The following IL17B variants were observed in gnomAD, a reference collection of about 807,000 sequenced individuals.
The protein encoded by IL17B is interleukin-17B.
A neutral mutation model predicts 14.7 loss-of-function variants in IL17B; 14 were observed. That is an observed-to-expected ratio of 0.95 (90% CI 0.63 to 1.49). IL17B has a LOEUF of 1.49. Ranked by LOEUF, IL17B falls within the 40% of genes most tolerant of loss-of-function variation. The probability of loss-of-function intolerance (pLI) is 0.00; values close to 1 mark genes in which losing one functional copy is unlikely to be tolerated. For missense variants in IL17B, 233 were observed against 252.8 expected (o/e 0.92, Z 0.53); for synonymous variants, 105 against 94.8 (o/e 1.11, Z -0.62).
intron 1 of IL17B, among the ~76,000 whole-genome samples, chr5:149,402,266 C>A (rs1486002621): frequency 1.3e-5 from 2 of 152,274 alleles, no homozygotes; most frequent in African/African-American, 2.4e-5. Context: ...CCAAAGCAGC[C>A]ACGGTAGTGG....
intron 1 of IL17B, among the ~76,000 whole-genome samples, chr5:149,393,520 T>C (rs1162994055): frequency 6.6e-6 from 1 of 152,224 alleles, no homozygotes; most frequent in East Asian, 1.9e-4. Context: ...AATAAATACA[T>C]GAGTGCGTTA....
intron 1 of IL17B, among the ~76,000 whole-genome samples, chr5:149,386,617 G>A (rs1195331162): frequency 3.3e-5 from 5 of 152,176 alleles, no homozygotes; most frequent in Non-Finnish European, 5.9e-5. Context: ...GCCTATGGAC[G>A]ATGAAGGACC....
At chr5:149,391,986 T>C (rs1215696265) in intron 1 of IL17B, among the ~76,000 whole-genome samples, 1 of 152,096 alleles carries the variant, frequency 6.6e-6, no homozygotes, top group Non-Finnish European at 1.5e-5. Context: ...ATCCCCTTAC[T>C]CTCTCTCCCA....
chr5:149,396,215 A>C (rs1019069044), intron 1 of IL17B, among the ~76,000 whole-genome samples: 2 of 152,254 alleles, frequency 1.3e-5, no homozygotes, highest in African/African-American at 4.8e-5. Flanking sequence ...TGCAAAGTCC[A>C]CTGAATCTTC....
At chr5:149,390,461 AC>A (rs1383563790) in intron 1 of IL17B, among the ~76,000 whole-genome samples, 3 of 146,476 alleles carry the variant, frequency 2.0e-5, no homozygotes, top group Non-Finnish European at 4.5e-5. Context: ...ACGTAGTGAC[AC>A]CCCCCTCCTC....
rs1271739141 is a variant in IL17B, at chr5:149,375,498, G to A, written c.312-898C>T. Among the ~76,000 whole-genome samples, 3 of 152,250 alleles carry A rather than the reference G, an allele frequency of 2.0e-5. No homozygotes were observed. In the East Asian group the frequency reaches 5.8e-4, roughly 29 times the overall value. On this transcript the variant is annotated intron_variant, in intron 2 of 2. Transcript: ENST00000261796. The stretch of plus-strand genomic sequence containing the variant: ...GAGTGATTCATTGGCACAATCAGAT[G>A]TGAAAAGCTCCGTTCTGGAGGATCT...
chr5:149,388,557 C>T (rs1758873637), intron 1 of IL17B, among the ~76,000 whole-genome samples: 1 of 152,196 alleles, frequency 6.6e-6, no homozygotes, highest in South Asian at 2.1e-4. Flanking sequence ...TGCAAACTGA[C>T]TCTTTGCGAA....
At chr5:149,390,224 C>A (rs1000710811) in intron 1 of IL17B, among the ~76,000 whole-genome samples, 13 of 146,648 alleles carry the variant, frequency 8.9e-5, no homozygotes, top group East Asian at 5.9e-4. Context: ...GTGACCCCCC[C>A]CCTCCCTGTC....
Position 149,376,953 on chromosome 5 carries a change from G to T in IL17B, c.94C>A (p.Gln32Lys). 6.2e-7 allele frequency: 1 copy of T among 1,608,264 alleles called. No homozygotes were observed. Among genetic ancestry groups the T allele is most frequent in the East Asian group, 2.2e-5 (1 of 44,842 alleles). ...PRSPKSKRKG[Q>K]GRPGPLAPGP... ...GGGGCCAGGGGCCCAGGCCGCCCTTGCCCCTTCCTCTTGCTTTTGGGGCTC... is the reference window on the plus strand; with the variant it reads ...GGGGCCAGGGGCCCAGGCCGCCCTTTCCCCTTCCTCTTGCTTTTGGGGCTC... Residue 32 changes from glutamine to lysine, a missense_variant, in exon 2 of 3, where the codon CAA becomes AAA. Coordinates refer to ENST00000261796, the MANE Select transcript of IL17B (RefSeq NM_014443.3).
intron 1 of IL17B, among the ~76,000 whole-genome samples, chr5:149,388,671 G>A (rs1013014387): frequency 6.6e-6 from 1 of 152,172 alleles, no homozygotes; most frequent in African/African-American, 2.4e-5. Context: ...TAAGAGGCTC[G>A]ACCCAGCAAA....
upstream of IL17B, among the ~76,000 whole-genome samples, chr5:149,379,856 G>A (rs1384394927): frequency 6.6e-6 from 1 of 152,200 alleles, no homozygotes; most frequent in African/African-American, 2.4e-5. Flanking sequence ...CAGTGAGTTA[G>A]AGGTGTCAGA....
chr5:149,403,283 A>T (rs1411373379), intron 1 of IL17B, among the ~76,000 whole-genome samples: 3 of 151,826 alleles, frequency 2.0e-5, no homozygotes, highest in African/African-American at 7.3e-5. Context: ...ACGGGGTTTC[A>T]CCGTGTTGCC....
upstream of IL17B, among the ~76,000 whole-genome samples, chr5:149,380,528 G>A (rs376779597): frequency 4.6e-5 from 7 of 152,142 alleles, no homozygotes; most frequent in South Asian, 2.1e-4. Context: ...TGTGAGGTCG[G>A]ATGACCTCAG....
chr5:149,379,135 T>C (rs765786450), intron 1 of IL17B, 70 bp downstream of exon 1: 128 of 1,581,364 alleles, frequency 8.1e-5, no homozygotes, highest in Non-Finnish European at 1.0e-4. Flanking sequence ...CATTAATAAA[T>C]AGGAAAGAAA....
At chr5:149,393,867 A>C (rs1759040741) in intron 1 of IL17B, among the ~76,000 whole-genome samples, 1 of 152,202 alleles carries the variant, frequency 6.6e-6, no homozygotes, top group South Asian at 2.1e-4. Context: ...TTCTTCTCTG[A>C]AAAAGAGTGT....
chr5:149,392,120 A>T (rs571244583), intron 1 of IL17B, among the ~76,000 whole-genome samples: 2 of 152,372 alleles, frequency 1.3e-5, no homozygotes, highest in African/African-American at 4.8e-5. Context: ...ATCTATGAGA[A>T]TCACAAATGC....
At chr5:149,395,671 T>A (rs932831369) in intron 1 of IL17B, among the ~76,000 whole-genome samples, 2 of 152,220 alleles carry the variant, frequency 1.3e-5, no homozygotes, top group Non-Finnish European at 2.9e-5. Context: ...TTTTTTATTA[T>A]TTTTTATTGT....
At chr5:149,385,889 G>A (rs1758817238) in intron 1 of IL17B, among the ~76,000 whole-genome samples, 1 of 152,244 alleles carries the variant, frequency 6.6e-6, no homozygotes. Context: ...GGCAGAGGAA[G>A]AGGCCACATC....
chr5:149,390,641 A>ACACACACACAC (rs1561716057), intron 1 of IL17B, among the ~76,000 whole-genome samples: 1 of 149,644 alleles, frequency 6.7e-6, no homozygotes, highest in African/African-American at 2.5e-5. Context: ...AGAGATACAC[A>ACACACACACAC]AGGCCCTCCA....
Sources: allele counts gnomAD v4.1 joint callset (sites outside exome capture counted in the v4.1 genomes callset), GRCh38; gene constraint gnomAD v4.1.1; transcripts MANE v1.5; gene names NCBI Gene and HGNC (gene_info 2026-07-23, HGNC 2026-07-21).